The following FMNL2 variants were observed in gnomAD, a reference collection of about 807,000 sequenced individuals.
The protein encoded by FMNL2 is formin-like protein 2.
FMNL2 carries 51 observed loss-of-function variants against 130.2 expected under a neutral mutation model. The observed-to-expected ratio is 0.39, with a 90% CI of 0.31 to 0.49. The LOEUF is 0.49. Ranked by LOEUF, FMNL2 falls within the 20% of genes least tolerant of loss-of-function variation. The pLI, the probability that FMNL2 is intolerant of heterozygous loss-of-function variation, is 0.85. For missense variants in FMNL2, 977 were observed against 1,316.2 expected, an observed-to-expected ratio of 0.74 and a Z score of 3.99; for synonymous variants, 465 against 467.1, an observed-to-expected ratio of 1.00 and a Z score of 0.06.
Position 152,628,470 on chromosome 2 carries a change from G to A in FMNL2, c.2337G>A (p.Met779Ile), listed in dbSNP as rs761142316. Residue 779 changes from methionine to isoleucine, a missense_variant, in exon 18 of 26, where the codon ATG becomes ATA. By Grantham distance (10) the Met-to-Ile change is conservative (BLOSUM62 1). Coordinates refer to ENST00000288670, the MANE Select transcript of FMNL2 (RefSeq NM_052905.4). ...MMQFSKIERL[M>I]QKMTIMAFIG... ...AGTTTAGTAAAATCGAGAGGCTCAT[G>A]CAGAAGATGACCATCATGGCCTTCA... 3.1e-6 allele frequency: 5 copies of A among 1,614,018 alleles called. No homozygotes were observed. In the South Asian group the frequency reaches 5.5e-5, roughly 18 times the overall value.
intron 6 of FMNL2, among the ~76,000 whole-genome samples, chr2:152,573,520 T>C (rs1251306322): frequency 1.3e-5 from 2 of 152,208 alleles, no homozygotes; most frequent in African/African-American, 4.8e-5. Flanking sequence ...GTAGATGTAA[T>C]GTCTCTGGGC....
In FMNL2 at chr2:152,575,624, C is replaced by T. The variant is rs560829481; in HGVS notation, c.705+380C>T. On this transcript the variant is annotated intron_variant, in intron 7 of 25. Transcript: ENST00000288670. The stretch of plus-strand genomic sequence containing the variant: ...TTTAATAAATATATATAATTTGTGA[C>T]GTATTTAAAGGAAAGGTGTTTTCCT... Among the ~76,000 whole-genome samples, 146 of 152,128 alleles carry T rather than the reference C, an allele frequency of 9.6e-4. 1 individual carries two copies. The highest frequency in any genetic ancestry group is 3.4e-3 in the African/African-American group (143 of 41,508).
At chr2:152,626,496 T>A (rs751951640) in intron 16 of FMNL2, 29 bp from the exon 17 acceptor site, 1 of 1,545,342 alleles carries the variant, frequency 6.5e-7, no homozygotes, top group African/African-American at 1.4e-5. Context: ...TATAATCCAA[T>A]TTTCCATGGT....
At chr2:152,570,349 C>T (rs1466764608) in intron 6 of FMNL2, among the ~76,000 whole-genome samples, 5 of 151,812 alleles carry the variant, frequency 3.3e-5, no homozygotes, top group African/African-American at 7.2e-5. Context: ...AGGTAGTTCT[C>T]TTAAGTTTAT....
chr2:152,646,093 C>T (rs370348310), intron 25 of FMNL2, among the ~76,000 whole-genome samples: 42 of 149,340 alleles, frequency 2.8e-4, no homozygotes, highest in African/African-American at 7.9e-4. Flanking sequence ...TCTGGGAGGC[C>T]GAGGTGGGCA....
At chr2:152,411,845 C>T (rs1156506314) in intron 1 of FMNL2, among the ~76,000 whole-genome samples, 1 of 152,132 alleles carries the variant, frequency 6.6e-6, no homozygotes, top group African/African-American at 2.4e-5. Context: ...CCTTGGTACC[C>T]TTTGGACATT....
intron 4 of FMNL2, among the ~76,000 whole-genome samples, chr2:152,552,930 A>G (rs1695016852): frequency 6.6e-6 from 1 of 152,264 alleles, no homozygotes; most frequent in African/African-American, 2.4e-5. Flanking sequence ...AAAGCTACCT[A>G]TAATGATAGA....
At chr2:152,623,946 A>C (rs1488968174) in intron 15 of FMNL2, among the ~76,000 whole-genome samples, 3 of 150,832 alleles carry the variant, frequency 2.0e-5, no homozygotes, top group Admixed American at 2.0e-4. Flanking sequence ...CCTCCTAGTC[A>C]AACACAGCTG....
chr2:152,505,057 G>C (rs1317571185), intron 1 of FMNL2, among the ~76,000 whole-genome samples: 3 of 152,116 alleles, frequency 2.0e-5, no homozygotes, highest in Admixed American at 6.6e-5. Context: ...TTTATCTAAA[G>C]TTATTTGTAG....
At chr2:152,335,807 T>A in intron 1 of FMNL2, 87 bp downstream of exon 1, 1 of 1,010,170 alleles carries the variant, frequency 9.9e-7, no homozygotes, top group Non-Finnish European at 1.4e-6. Flanking sequence ...CTTCACCCCG[T>A]GCCGGGAGCG....
chr2:152,356,543 A>T (rs948416667), intron 1 of FMNL2, among the ~76,000 whole-genome samples: 6 of 152,216 alleles, frequency 3.9e-5, no homozygotes, highest in African/African-American at 1.4e-4. Flanking sequence ...ATAAAAATGT[A>T]TCTGTAACCC....
chr2:152,344,150 T>TAAAACA (rs770051942), intron 1 of FMNL2, among the ~76,000 whole-genome samples: 131 of 152,218 alleles, frequency 8.6e-4, no homozygotes, highest in African/African-American at 2.9e-3. Flanking sequence ...AGACTATCTC[T>TAAAACA]AAAACAAAAA....
chr2:152,446,585 A>G (rs569280182), intron 1 of FMNL2, among the ~76,000 whole-genome samples: 1 of 152,366 alleles, frequency 6.6e-6, no homozygotes, highest in Non-Finnish European at 1.5e-5. Context: ...TACCAGGTAA[A>G]TAATTGACAT....
chr2:152,559,703 T>G (rs1489107468), intron 5 of FMNL2, among the ~76,000 whole-genome samples: 1 of 152,104 alleles, frequency 6.6e-6, no homozygotes, highest in Non-Finnish European at 1.5e-5. Context: ...AGCTGTAGAG[T>G]AGCCTAGCGA....
intron 1 of FMNL2, among the ~76,000 whole-genome samples, chr2:152,466,250 C>T (rs893965548): frequency 6.6e-6 from 1 of 152,184 alleles, no homozygotes; most frequent in Admixed American, 6.5e-5. Flanking sequence ...CTGCCCGCTG[C>T]GGGGGAGGAC....
At chr2:152,616,211 T>C (rs1698936134) in intron 12 of FMNL2, among the ~76,000 whole-genome samples, 1 of 152,098 alleles carries the variant, frequency 6.6e-6, no homozygotes. Flanking sequence ...ACCCTGTCTT[T>C]CTCCTGAAGC....
At chr2:152,600,184 C>T (rs774752203) in intron 9 of FMNL2, among the ~76,000 whole-genome samples, 5 of 151,988 alleles carry the variant, frequency 3.3e-5, no homozygotes, top group Non-Finnish European at 7.3e-5. Flanking sequence ...CGAGAAGGGT[C>T]GTCTAATCAG....
intron 23 of FMNL2, 53 bp from the exon 24 acceptor site, chr2:152,639,905 G>C: frequency 6.8e-7 from 1 of 1,465,232 alleles, no homozygotes; most frequent in Non-Finnish European, 9.1e-7. Context: ...AAAAAATCTT[G>C]GCTGCTCTCA....
intron 2 of FMNL2, among the ~76,000 whole-genome samples, chr2:152,522,410 G>T (rs1039188487): frequency 1.3e-5 from 2 of 152,174 alleles, no homozygotes; most frequent in Non-Finnish European, 2.9e-5. Flanking sequence ...TAAATATTGT[G>T]ACTGTTACTG....
Sources: allele counts gnomAD v4.1 joint callset (sites outside exome capture counted in the v4.1 genomes callset), GRCh38; gene constraint gnomAD v4.1.1; transcripts MANE v1.5; gene names NCBI Gene and HGNC (gene_info 2026-07-23, HGNC 2026-07-21).